CDK19: variants seen among roughly 807,000 people sequenced by gnomAD.
CDK19 encodes cyclin dependent kinase 19.
In CDK19, 20 loss-of-function variants were observed where a neutral mutation model predicts 68.3. That is an observed-to-expected ratio of 0.29 (90% CI 0.21 to 0.43). The LOEUF is 0.43. Among genes scored for constraint, CDK19 ranks in the 20% least tolerant of loss-of-function variants. The pLI is 1.00. For synonymous variants in CDK19, 221 were observed against 222.8 expected, an observed-to-expected ratio of 0.99 and a Z score of 0.07; for missense variants, 339 against 623.5, an observed-to-expected ratio of 0.54 and a Z score of 4.86.
intron 1 of CDK19, among the ~76,000 whole-genome samples, chr6:110,809,695 GT>G (rs1319882299): frequency 6.6e-6 from 1 of 152,124 alleles, no homozygotes; most frequent in Non-Finnish European, 1.5e-5. Flanking sequence ...ATAAACTTGC[GT>G]TTTTAAAGGA....
chr6:110,649,736 T>C (rs543859915), intron 4 of CDK19, among the ~76,000 whole-genome samples: 1 of 152,206 alleles, frequency 6.6e-6, no homozygotes, highest in South Asian at 2.1e-4. Flanking sequence ...AATACACATA[T>C]TAAAAAATGT....
intron 1 of CDK19, among the ~76,000 whole-genome samples, chr6:110,774,154 C>G (rs567412358): frequency 2.6e-5 from 4 of 152,208 alleles, no homozygotes; most frequent in East Asian, 3.9e-4. Context: ...AAAAGTTGAG[C>G]CTTAACTAAT....
intron 2 of CDK19, among the ~76,000 whole-genome samples, chr6:110,745,111 C>T (rs1583007433): frequency 6.6e-6 from 1 of 152,148 alleles, no homozygotes; most frequent in African/African-American, 2.4e-5. Context: ...AATTAGCAAT[C>T]TTTACTGAAG....
chr6:110,655,014 A>G (rs543612721), intron 4 of CDK19, among the ~76,000 whole-genome samples: 2 of 152,214 alleles, frequency 1.3e-5, no homozygotes, highest in African/African-American at 4.8e-5. Flanking sequence ...AAACATGCCA[A>G]GCTCACTTCT....
chr6:110,662,130 G>A (rs770697935), intron 4 of CDK19, among the ~76,000 whole-genome samples: 11 of 151,928 alleles, frequency 7.2e-5, no homozygotes, highest in South Asian at 2.1e-4. Context: ...CCACCACACC[G>A]AGCTAATTTT....
At chr6:110,684,924 A>C (rs1006598615) in intron 2 of CDK19, among the ~76,000 whole-genome samples, 2 of 152,186 alleles carry the variant, frequency 1.3e-5, no homozygotes, top group African/African-American at 4.8e-5. Context: ...GGATCACCTG[A>C]GGTCAGGAGT....
chr6:110,757,378 G>A (rs752751535), intron 1 of CDK19, among the ~76,000 whole-genome samples: 2 of 152,090 alleles, frequency 1.3e-5, no homozygotes, highest in African/African-American at 2.4e-5. Context: ...GAAAAGGAGA[G>A]CCATAAAAAA....
chr6:110,646,178 G>A (rs1376094116), intron 4 of CDK19: 1 of 1,202,786 alleles, frequency 8.3e-7, no homozygotes, highest in Non-Finnish European at 1.2e-6. Flanking sequence ...CCGGCCACCA[G>A]AGCCTGTTCC....
chr6:110,629,777 T>C (rs1779327220), intron 6 of CDK19, among the ~76,000 whole-genome samples: 1 of 152,240 alleles, frequency 6.6e-6, no homozygotes, highest in Non-Finnish European at 1.5e-5. Context: ...TTGGGGATTA[T>C]TCTTTCTTTC....
rs1777052623 is a variant in CDK19 at position 110,734,520 on chromosome 6, G to GCTCTCTCCCTCTCTCTCTCTCTCT, written c.204+11605_204+11606insAGAGAGAGAGAGAGAGGGAGAGAG. On this transcript the variant is annotated intron_variant, in intron 2 of 12. Transcript: ENST00000368911. ...TGATAAAACTAAGAGGGTGAGCACT[G>GCTCTCTCCCTCTCTCTCTCTCTCT]CTCTCTCTCTCTCTCTCTCTCTCTC... Among the ~76,000 whole-genome samples the GCTCTCTCCCTCTCTCTCTCTCTCT allele has an allele frequency of 7.0e-5, 6 of 85,734 alleles. No individual in the cohort carries two copies. The East Asian group carries it at 1.1e-3, about 16-fold the overall frequency. The allele number at this position is 85,734 out of a possible 152,430, so 56.2% of individuals were successfully genotyped here.
chr6:110,671,009 C>T (rs1770962596), intron 2 of CDK19, among the ~76,000 whole-genome samples: 1 of 151,936 alleles, frequency 6.6e-6, no homozygotes, highest in Admixed American at 6.6e-5. Context: ...AAGAAACAGG[C>T]GACAAAACAA....
intron 2 of CDK19, among the ~76,000 whole-genome samples, chr6:110,730,490 G>T (rs1376825944): frequency 6.6e-6 from 1 of 152,110 alleles, no homozygotes; most frequent in African/African-American, 2.4e-5. Context: ...CATAATTATG[G>T]ATACAAATAA....
chr6:110,624,829 C>T (rs1371788097), intron 8 of CDK19, among the ~76,000 whole-genome samples: 1 of 152,184 alleles, frequency 6.6e-6, no homozygotes, highest in East Asian at 1.9e-4. Context: ...GCAGGTGAGA[C>T]TCAGAGACCC....
At chr6:110,623,839 T>C (rs1362999028) in intron 8 of CDK19, among the ~76,000 whole-genome samples, 1 of 147,582 alleles carries the variant, frequency 6.8e-6, no homozygotes, top group South Asian at 2.1e-4. Context: ...CACATATATA[T>C]ACACATATAT....
rs1490234186 is a variant in CDK19, at chr6:110,690,750, T to C, written c.205-20209A>G. ...CATCTGAGACAGTCATCAAAGACTC[T>C]CTATAATGACAGAACTCATATAGAG... On this transcript the variant is annotated intron_variant, in intron 2 of 12. Transcript: ENST00000368911. Among the ~76,000 whole-genome samples, 3 of 152,122 alleles carry C rather than the reference T, an allele frequency of 2.0e-5. No individual in the cohort carries two copies. In the South Asian group the frequency reaches 6.2e-4, roughly 31 times the overall value.
At chr6:110,702,697 T>TG (rs1466584631) in intron 2 of CDK19, among the ~76,000 whole-genome samples, 1 of 152,098 alleles carries the variant, frequency 6.6e-6, no homozygotes, top group Non-Finnish European at 1.5e-5. Context: ...ATTGTCGATA[T>TG]GGAAAGATCA....
chr6:110,680,905 G>C (rs560758461), intron 2 of CDK19, among the ~76,000 whole-genome samples: 29 of 152,160 alleles, frequency 1.9e-4, no homozygotes, highest in African/African-American at 5.6e-4. Flanking sequence ...GCTGAGGCAG[G>C]AGAATCACTT....
intron 2 of CDK19, among the ~76,000 whole-genome samples, chr6:110,739,224 G>C (rs1455464831): frequency 6.6e-6 from 1 of 152,158 alleles, no homozygotes; most frequent in Non-Finnish European, 1.5e-5. Flanking sequence ...TCTGGGAGGT[G>C]ACTAGGTCAC....
At chr6:110,661,775 A>T (rs934198045) in intron 4 of CDK19, among the ~76,000 whole-genome samples, 15 of 152,240 alleles carry the variant, frequency 9.9e-5, no homozygotes, top group South Asian at 2.1e-4. Flanking sequence ...AATTAACAAT[A>T]AAAGCCAAAA....
Sources: gnomAD v4.1 joint callset for allele counts (sites outside exome capture counted in the v4.1 genomes callset) on GRCh38, gnomAD v4.1.1 for gene constraint, MANE v1.5 for transcripts, NCBI Gene and HGNC (gene_info 2026-07-23, HGNC 2026-07-21) for gene names.